Variants in KIF6 observed in about 807,000 individuals in gnomAD.
KIF6 encodes kinesin-like protein KIF6.
KIF6 carries 106 observed loss-of-function variants against 112.7 expected under a neutral mutation model. The observed-to-expected ratio is 0.94, with a 90% CI of 0.80 to 1.11. The LOEUF (loss-of-function observed/expected upper bound fraction) is 1.11, where lower values mean the gene tolerates loss of function less well. Among genes scored for constraint, KIF6 ranks in the 50% least tolerant of loss-of-function variants. KIF6 has a pLI of 0.00. For missense variants in KIF6, 929 were observed against 964.0 expected, an observed-to-expected ratio of 0.96 and a Z score of 0.48; for synonymous variants, 339 against 339.9, an observed-to-expected ratio of 1.00 and a Z score of 0.03.
intron 13 of KIF6, among the ~76,000 whole-genome samples, chr6:39,526,563 G>A (rs1025713963): frequency 3.9e-5 from 6 of 152,134 alleles, no homozygotes; most frequent in African/African-American, 9.7e-5. Context: ...GCAGAGATCC[G>A]TGTACTTACT....
At chr6:39,365,866 C>T (rs936634777) in intron 16 of KIF6, among the ~76,000 whole-genome samples, 1 of 152,182 alleles carries the variant, frequency 6.6e-6, no homozygotes, top group African/African-American at 2.4e-5. Flanking sequence ...GGCCATCTCA[C>T]CCGGCCAGAA....
chr6:39,711,516 A>T (rs1173567611), intron 3 of KIF6, among the ~76,000 whole-genome samples: 1 of 152,082 alleles, frequency 6.6e-6, no homozygotes, highest in Non-Finnish European at 1.5e-5. Flanking sequence ...AACTATAGGC[A>T]TGCACCACCA....
chr6:39,520,995 T>C (rs1332493692), intron 13 of KIF6, among the ~76,000 whole-genome samples: 1 of 152,212 alleles, frequency 6.6e-6, no homozygotes, highest in African/African-American at 2.4e-5. Context: ...AGTTCATCTA[T>C]CGTGTTTCCA....
At chr6:39,569,827 G>C (rs2150616803) in intron 10 of KIF6, among the ~76,000 whole-genome samples, 1 of 152,350 alleles carries the variant, frequency 6.6e-6, no homozygotes, top group East Asian at 1.9e-4. Flanking sequence ...CCACCTTCCT[G>C]AGGGATTATT....
Position 39,525,808 on chromosome 6 carries a change from G to GATAAATAA in KIF6, c.1645+14187_1645+14194dup, listed in dbSNP as rs55659921. ...CTCCATCTCAATAACTAACTAAATA[G>GATAAATAA]ATAAATAAATAAATAAATAAATAAA... On this transcript the variant is annotated intron_variant, in intron 13 of 22. Transcript: ENST00000287152. Among the ~76,000 whole-genome samples the GATAAATAA allele has an allele frequency of 7.9e-3, 1,162 of 147,632 alleles. 4 individuals carry two copies. Among genetic ancestry groups the GATAAATAA allele is most frequent in the Admixed American group, 0.011 (156 of 14,766 alleles).
intron 6 of KIF6, among the ~76,000 whole-genome samples, chr6:39,610,338 T>C (rs757630495): frequency 2.6e-5 from 4 of 152,234 alleles, no homozygotes; most frequent in Admixed American, 2.0e-4. Context: ...CTGAAGCTAC[T>C]CTTAATAACT....
At chr6:39,580,067 T>TA (rs1403282021) in intron 9 of KIF6, among the ~76,000 whole-genome samples, 1 of 152,026 alleles carries the variant, frequency 6.6e-6, no homozygotes, top group Non-Finnish European at 1.5e-5. Context: ...TAACTGGAAT[T>TA]ATTACATTTA....
In KIF6 at chr6:39,410,937, T is replaced by TCATAG. The variant is rs1026556367; in HGVS notation, c.1810+9006_1810+9010dup. Among the ~76,000 whole-genome samples the TCATAG allele has an allele frequency of 7.0e-4, 107 of 152,336 alleles. 1 individual carries two copies. The highest frequency in any genetic ancestry group is 2.3e-3 in the African/African-American group (96 of 41,578). ...ATACAAGACCTCTTTTCCTCCTTGG[T>TCATAG]CATAGTTTCCTGGACCAGAGGTGGG... On this transcript the variant is annotated intron_variant, in intron 15 of 22. Coordinates refer to ENST00000287152, the MANE Select transcript of KIF6 (RefSeq NM_145027.6).
intron 1 of KIF6, among the ~76,000 whole-genome samples, chr6:39,722,567 C>T (rs573405935): frequency 6.6e-6 from 1 of 152,184 alleles, no homozygotes; most frequent in Admixed American, 6.5e-5. Context: ...TCTGTTATTA[C>T]AATTTACTTT....
intron 15 of KIF6, among the ~76,000 whole-genome samples, chr6:39,390,316 G>T (rs527313967): frequency 1.6e-4 from 24 of 152,302 alleles, no homozygotes; most frequent in African/African-American, 5.5e-4. Context: ...ATACTACATG[G>T]TTAAGATGAC....
chr6:39,370,393 A>G (rs1272761958), intron 16 of KIF6, among the ~76,000 whole-genome samples: 1 of 152,218 alleles, frequency 6.6e-6, no homozygotes, highest in Non-Finnish European at 1.5e-5. Flanking sequence ...GGCTAATTAG[A>G]GAAATTTCAG....
chr6:39,531,909 G>C (rs148354704), intron 13 of KIF6, among the ~76,000 whole-genome samples: 4 of 151,974 alleles, frequency 2.6e-5, no homozygotes, highest in African/African-American at 9.7e-5. Flanking sequence ...TCAACCTGTC[G>C]TCCCAGCCTT....
intron 13 of KIF6, among the ~76,000 whole-genome samples, chr6:39,507,134 C>T (rs1776466587): frequency 6.6e-6 from 1 of 152,160 alleles, no homozygotes; most frequent in Non-Finnish European, 1.5e-5. Context: ...GTCACAAGTA[C>T]AAGTGGCAAC....
intron 3 of KIF6, among the ~76,000 whole-genome samples, chr6:39,686,663 C>G (rs982158261): frequency 7.2e-5 from 11 of 152,110 alleles, no homozygotes; most frequent in African/African-American, 1.7e-4. Flanking sequence ...CCTAACCCCC[C>G]ACATTAGAAA....
intron 3 of KIF6, among the ~76,000 whole-genome samples, chr6:39,689,505 GTAA>G (rs112419136): frequency 6.6e-6 from 1 of 151,660 alleles, no homozygotes; most frequent in South Asian, 2.1e-4. Flanking sequence ...TCAAAAAATA[GTAA>G]TAATAATAAT....
At position 39,707,032 on chromosome 6, in the gene KIF6, GC is replaced by G. The variant is rs375464822; in HGVS notation, c.251+7659del. 4.9e-4 allele frequency among the ~76,000 whole-genome samples: 75 copies of G among 152,280 alleles called. No homozygotes were observed. In the East Asian group the frequency reaches 0.013, roughly 26 times the overall value. On this transcript the variant is annotated intron_variant, in intron 3 of 22. Transcript: ENST00000287152. The stretch of plus-strand genomic sequence containing the variant: ...TAGAATAGTTCTCTGGACCCCATTT[GC>G]CCCAGTGGTTACATATTGCATAACT...
At chr6:39,346,085 TCCCCCCCCTCTCCCTCCCCCCCTCC>T (rs1763727335) in intron 20 of KIF6, among the ~76,000 whole-genome samples, 11 of 21,600 alleles carry the variant, frequency 5.1e-4, no homozygotes, top group Admixed American at 1.9e-3. Flanking sequence ...TCTCTCTCTC[TCCCCCCCCTCTCCCTCCCCCCCTCC>T]CTCTCCCTCT....
chr6:39,449,118 C>G (rs1772523429), intron 13 of KIF6, among the ~76,000 whole-genome samples: 1 of 152,214 alleles, frequency 6.6e-6, no homozygotes, highest in South Asian at 2.1e-4. Context: ...GTTGCCATTT[C>G]TTCTCTGGAC....
At chr6:39,582,184 C>G (rs138200821) in intron 9 of KIF6, among the ~76,000 whole-genome samples, 6 of 152,248 alleles carry the variant, frequency 3.9e-5, no homozygotes, top group East Asian at 1.9e-4. Flanking sequence ...CCAAATTATT[C>G]TCCTGTCTTA....
Sources: gnomAD v4.1 joint callset for allele counts (sites outside exome capture counted in the v4.1 genomes callset) on GRCh38, gnomAD v4.1.1 for gene constraint, MANE v1.5 for transcripts, NCBI Gene and HGNC (gene_info 2026-07-23, HGNC 2026-07-21) for gene names.